Variants in MYO5A observed in about 807,000 individuals in gnomAD.
MYO5A encodes unconventional myosin-Va.
Under a neutral mutation model 249.7 loss-of-function variants are expected in MYO5A, and 98 were observed. That is an observed-to-expected ratio of 0.39 (90% confidence interval 0.33 to 0.46). The LOEUF (loss-of-function observed/expected upper bound fraction) is 0.46. Among genes scored for constraint, MYO5A ranks in the 20% least tolerant of loss-of-function variants. The pLI is 0.98. For missense variants in MYO5A, 1,696 were observed against 2,308.8 expected (o/e 0.73, Z 5.44); for synonymous variants, 778 against 810.6 (o/e 0.96, Z 0.68).
chr15:52,432,776 G>C (rs772641945), intron 2 of MYO5A, among the ~76,000 whole-genome samples: 18 of 152,148 alleles, frequency 1.2e-4, no homozygotes, highest in Non-Finnish European at 2.4e-4. Flanking sequence ...CTCCCAACTA[G>C]TATCTTCCCC....
chr15:52,355,652 T>C (rs1455659295), intron 25 of MYO5A, among the ~76,000 whole-genome samples: 2 of 152,258 alleles, frequency 1.3e-5, no homozygotes, highest in Non-Finnish European at 2.9e-5. Flanking sequence ...AATGTTTTAT[T>C]TAATTATATA....
intron 5 of MYO5A, among the ~76,000 whole-genome samples, chr15:52,413,185 T>G (rs2043324478): frequency 1.4e-5 from 2 of 143,414 alleles, no homozygotes; most frequent in Non-Finnish European, 1.5e-5. Context: ...CATCCAGGCC[T>G]GGTAGAGTGG....
chr15:52,336,571 G>C lies in MYO5A; in HGVS notation c.4315-15C>G, dbSNP rs2039128031. ...TCCATCAAATCCTAAAGATCAAAAAGAGAAATATATTAGAAAAATCGAAAC... is the reference window on the plus strand; with the variant it reads ...TCCATCAAATCCTAAAGATCAAAAACAGAAATATATTAGAAAAATCGAAAC... On this transcript the variant is annotated splice_polypyrimidine_tract_variant and intron_variant, in intron 33 of 41. Transcript: ENST00000399233. 1.3e-6 allele frequency: 2 copies of C among 1,567,468 alleles called. No individual in the cohort carries two copies. The highest frequency in any genetic ancestry group is 1.1e-5 in the South Asian group (1 of 87,918).
intron 10 of MYO5A, among the ~76,000 whole-genome samples, chr15:52,396,604 G>GT (rs1250394695): frequency 6.6e-6 from 1 of 151,276 alleles, no homozygotes. Flanking sequence ...CAGCAGAGAG[G>GT]TTTTTTTTGT....
Position 52,340,409 on chromosome 15 carries a change from C to T in MYO5A, c.4041-15G>A. ...ATTCCAGGAGCCTGCGGAGAGGACA[C>T]ATGGGTCGGAAGGGGAGACGACACC... is the stretch of plus-strand genomic sequence containing the variant. On this transcript the variant is annotated splice_polypyrimidine_tract_variant and intron_variant, in intron 31 of 41. Transcript: ENST00000399233. 6.2e-7 allele frequency: 1 copy of T among 1,609,740 alleles called. No individual in the cohort carries two copies. The highest frequency in any genetic ancestry group is 8.5e-7 in the Non-Finnish European group (1 of 1,179,866).
At chr15:52,383,033 G>A in intron 16 of MYO5A, 58 bp downstream of exon 16, 1 of 1,404,918 alleles carries the variant, frequency 7.1e-7, no homozygotes, top group Admixed American at 1.7e-5. Flanking sequence ...TTGCTTGGCT[G>A]GTTTGGCACT....
intron 33 of MYO5A, among the ~76,000 whole-genome samples, chr15:52,336,833 C>T (rs1269808412): frequency 1.3e-5 from 2 of 152,204 alleles, no homozygotes; most frequent in Non-Finnish European, 2.9e-5. Context: ...GGAAAATCAA[C>T]TGAATGCTTT....
intron 1 of MYO5A, among the ~76,000 whole-genome samples, chr15:52,510,807 C>T (rs866798601): frequency 7.2e-5 from 11 of 152,298 alleles, no homozygotes; most frequent in Middle Eastern, 6.8e-3. Context: ...GGTTGGGGAC[C>T]GCTGACCTAA....
At chr15:52,348,891 A>C (rs2039799009) in intron 28 of MYO5A, 65 bp from the exon 29 acceptor site, 5 of 1,527,960 alleles carry the variant, frequency 3.3e-6, no homozygotes, top group Non-Finnish European at 4.5e-6. Flanking sequence ...TTCCATAAAT[A>C]AATTTCATCA....
chr15:52,433,413 CTTTTTTTTTT>C, intron 1 of MYO5A, 128 bp from the exon 2 acceptor site: 10 of 273,770 alleles, frequency 3.7e-5, no homozygotes, highest in Middle Eastern at 1.4e-3. Context: ...ATGAAATTCA[CTTTTTTTTTT>C]TTTTTTTTTT....
chr15:52,314,383 A>G (rs2037892139), intron 40 of MYO5A, among the ~76,000 whole-genome samples, 180 bp from the exon 41 acceptor site: 1 of 152,242 alleles, frequency 6.6e-6, no homozygotes, highest in Admixed American at 6.5e-5. Flanking sequence ...TTTTTACAAG[A>G]GAATGTATCA....
chr15:52,312,893 A>G lies in MYO5A; in HGVS notation c.*803T>C, dbSNP rs1036924495. The G allele has an allele frequency of 1.3e-5, 2 of 152,448 alleles. No homozygotes were observed. Among genetic ancestry groups the G allele is most frequent in the African/African-American group, 4.8e-5 (2 of 41,462 alleles). The allele number at this position is 152,448 out of a possible 1,614,324, so 9.4% of individuals were successfully genotyped here. ...ACCCCTAAATGTCAAGCATTTTGTC[A>G]TATTACTACATGACTTTCCAGTGTC... On this transcript the variant is annotated 3_prime_UTR_variant, in exon 42 of 42. Transcript: ENST00000399233.
At chr15:52,352,812 C>A (rs924847430) in intron 27 of MYO5A, among the ~76,000 whole-genome samples, 8 of 151,970 alleles carry the variant, frequency 5.3e-5, no homozygotes, top group African/African-American at 1.9e-4. Flanking sequence ...GAAAAAAAAA[C>A]TATTTAAAGT....
At chr15:52,348,783 A>ATT in intron 29 of MYO5A, 35 bp downstream of exon 29, 1 of 1,438,736 alleles carries the variant, frequency 7.0e-7, no homozygotes, top group Non-Finnish European at 9.4e-7. Flanking sequence ...GATTAAATAG[A>ATT]AGTATTTACT....
intron 2 of MYO5A, among the ~76,000 whole-genome samples, chr15:52,430,427 C>A (rs1168988481): frequency 2.0e-5 from 3 of 152,128 alleles, no homozygotes; most frequent in Admixed American, 6.6e-5. Context: ...ACAGAAATTT[C>A]CTTCTTGGAG....
At chr15:52,367,538 A>G (rs1225258328) in intron 22 of MYO5A, among the ~76,000 whole-genome samples, 2 of 152,196 alleles carry the variant, frequency 1.3e-5, no homozygotes, top group East Asian at 3.8e-4. Context: ...TTTGCTCTCA[A>G]AGGTAATTGA....
chr15:52,367,809 C>T (rs566925881), intron 22 of MYO5A, among the ~76,000 whole-genome samples: 36 of 150,528 alleles, frequency 2.4e-4, no homozygotes, highest in Middle Eastern at 3.4e-3. Context: ...GTACTTAATG[C>T]CACAGAACTG....
chr15:52,440,129 A>C (rs1200211459), intron 1 of MYO5A, among the ~76,000 whole-genome samples: 3 of 152,280 alleles, frequency 2.0e-5, no homozygotes, highest in Non-Finnish European at 4.4e-5. Context: ...AGGCACGTTC[A>C]AGGGACATGC....
intron 1 of MYO5A, among the ~76,000 whole-genome samples, chr15:52,469,193 G>A (rs1189843864): frequency 1.3e-5 from 2 of 152,152 alleles, no homozygotes; most frequent in Admixed American, 6.6e-5. Context: ...TGGGTAAGCA[G>A]TGCCAATCCC....
Sources: gnomAD v4.1 joint callset for allele counts (sites outside exome capture counted in the v4.1 genomes callset) on GRCh38, gnomAD v4.1.1 for gene constraint, MANE v1.5 for transcripts, NCBI Gene and HGNC (gene_info 2026-07-23, HGNC 2026-07-21) for gene names.